Variants in ZSCAN2 observed in about 807,000 individuals in gnomAD.
The protein encoded by ZSCAN2 is zinc finger and SCAN domain containing 2, also known as zinc finger and SCAN domain-containing protein 2.
In ZSCAN2, 26 loss-of-function variants were observed where a neutral mutation model predicts 47.8. That is an observed-to-expected ratio of 0.54 (90% CI 0.40 to 0.75). The LOEUF (loss-of-function observed/expected upper bound fraction) is 0.75, where lower values mean the gene tolerates loss of function less well. Ranked by LOEUF, ZSCAN2 falls within the 30% of genes least tolerant of loss-of-function variation. The pLI is 0.00. For missense variants in ZSCAN2, 732 were observed against 785.4 expected, an observed-to-expected ratio of 0.93 and a Z score of 0.81; for synonymous variants, 305 against 288.7, an observed-to-expected ratio of 1.06 and a Z score of -0.57.
chr15:84,619,035 A>G (rs1360380105), intron 2 of ZSCAN2, among the ~76,000 whole-genome samples: 1 of 152,170 alleles, frequency 6.6e-6, no homozygotes, highest in Non-Finnish European at 1.5e-5. Context: ...CATCTAAGGA[A>G]GGGGCTATGT....
At chr15:84,610,619 T>C (rs528811563) in intron 2 of ZSCAN2, among the ~76,000 whole-genome samples, 34 of 151,638 alleles carry the variant, frequency 2.2e-4, no homozygotes, top group African/African-American at 6.3e-4. Flanking sequence ...CCCGAGTAGG[T>C]GGGACTACAG....
intron 2 of ZSCAN2, among the ~76,000 whole-genome samples, chr15:84,619,395 A>G (rs145305182): frequency 0.011 from 1,685 of 151,086 alleles, 39 homozygotes; most frequent in African/African-American, 0.039. Context: ...GCGCCATTGC[A>G]CTCCAGCCTG....
intron 2 of ZSCAN2, chr15:84,616,735 C>G (rs1394288509): frequency 5.1e-6 from 5 of 982,288 alleles, no homozygotes; most frequent in Non-Finnish European, 6.1e-6. Context: ...TGTTTTTGGT[C>G]ATGTTAGTTT....
At position 84,622,411 on chromosome 15, in the gene ZSCAN2, C is replaced by G; in HGVS notation, c.*371C>G. ...TGGCCCACAACGTGGGCCGAGTCCT[C>G]AGAGAAATACTGGAAATCATTGGTG... On this transcript the variant is annotated 3_prime_UTR_variant, in exon 3 of 3. Transcript: ENST00000546148. 1 of 591,952 alleles carries G rather than the reference C, an allele frequency of 1.7e-6. No homozygotes were observed. The highest frequency in any genetic ancestry group is 3.1e-6 in the Non-Finnish European group (1 of 327,504). 36.7% of individuals were successfully genotyped at this position (591,952 alleles called of 1,614,324 possible).
rs760244320 is a variant in ZSCAN2, at chr15:84,604,249, G to A, written c.322G>A (p.Ala108Thr). ...MLTMLPKEIQAWLQEHRPESS... is the reference protein window; with the variant it reads ...MLTMLPKEIQTWLQEHRPESS... Reference sequence around the variant, plus strand: ...AACCATGCTGCCAAAGGAAATTCAGGCTTGGCTGCAAGAGCATCGGCCTGA... The same window carrying A: ...AACCATGCTGCCAAAGGAAATTCAGACTTGGCTGCAAGAGCATCGGCCTGA... The change falls in exon 2 of 3, where the codon GCT becomes ACT. Residue 108 changes from alanine (A) to threonine (T), a missense_variant. Around this residue, in one of 2 missense-constraint regions of ZSCAN2, gnomAD observed 320 missense variants for 287.4 expected, o/e 1.11. Coordinates refer to ENST00000546148, the MANE Select transcript of ZSCAN2 (RefSeq NM_181877.4). 11 of 1,614,156 alleles carry A rather than the reference G, an allele frequency of 6.8e-6. No individual in the cohort carries two copies. In the East Asian group the frequency reaches 2.5e-4, roughly 36 times the overall value.
At chr15:84,617,027 CAGG>C (rs1895708467) in intron 2 of ZSCAN2, among the ~76,000 whole-genome samples, 1 of 152,030 alleles carries the variant, frequency 6.6e-6, no homozygotes, top group Non-Finnish European at 1.5e-5. Context: ...GAGGCTGAAG[CAGG>C]AGAATTGCTT....
intron 2 of ZSCAN2, among the ~76,000 whole-genome samples, chr15:84,618,608 C>T (rs970560561): frequency 3.3e-5 from 5 of 151,064 alleles, no homozygotes; most frequent in African/African-American, 1.2e-4. Flanking sequence ...GTTGCCCAGG[C>T]CGGAGTGCAG....
intron 2 of ZSCAN2, among the ~76,000 whole-genome samples, chr15:84,607,460 C>T (rs187317490): frequency 4.0e-4 from 61 of 152,000 alleles, no homozygotes; most frequent in Non-Finnish European, 7.4e-4. Flanking sequence ...TCTATCCCCA[C>T]TCCATTCAGA....
At chr15:84,612,550 C>T (rs917794970) in intron 2 of ZSCAN2, among the ~76,000 whole-genome samples, 11 of 152,070 alleles carry the variant, frequency 7.2e-5, no homozygotes, top group Admixed American at 5.9e-4. Flanking sequence ...CTGGCTAACA[C>T]GGTGAAACCC....
Position 84,621,159 on chromosome 15 carries a change from A to C in ZSCAN2, c.964A>C (p.Ile322Leu), listed in dbSNP as rs770722985. ...GAGCTTCAGCAGGAGTCCCAACCTC[A>C]TTGCACATCAGCGCACCCACACAGG... ...GKSFSRSPNL[I>L]AHQRTHTGEK... The change falls in exon 3 of 3, where the codon ATT (isoleucine) becomes CTT (leucine). Residue 322 changes from isoleucine to leucine, a missense_variant. This residue lies in a region of ZSCAN2 where 412 missense variants were observed against 498.0 expected (regional missense o/e 0.83). Transcript: ENST00000546148. The surrounding 1 kb of genome is among the most constrained non-coding windows in gnomAD (Gnocchi z 5.7). 3.2e-5 allele frequency: 51 copies of C among 1,613,912 alleles called. No individual in the cohort carries two copies. Among genetic ancestry groups the C allele is most frequent in the Non-Finnish European group, 4.2e-5 (50 of 1,180,008 alleles).
intron 2 of ZSCAN2, chr15:84,616,469 A>C: frequency 6.7e-7 from 1 of 1,493,566 alleles, no homozygotes; most frequent in Non-Finnish European, 8.9e-7. Context: ...CTCCCACCCC[A>C]GGGCTCTCCA....
At position 84,622,653 on chromosome 15, in the gene ZSCAN2, C is replaced by T. The variant is rs866190841; in HGVS notation, c.*613C>T. The stretch of plus-strand genomic sequence containing the variant: ...GACCCTTTCTATTTCCAGAAAGTGT[C>T]AGGAGCACAGAAACTTGAGGAAGTA... On this transcript the variant is annotated 3_prime_UTR_variant, in exon 3 of 3. Transcript: ENST00000546148. 54 of 717,324 alleles carry T rather than the reference C, an allele frequency of 7.5e-5. No individual in the cohort carries two copies. The African/African-American group carries it at 8.2e-4, about 11-fold the overall frequency. 44.4% of individuals were successfully genotyped at this position (717,324 alleles called of 1,614,324 possible).
intron 2 of ZSCAN2, among the ~76,000 whole-genome samples, chr15:84,617,161 C>T (rs1350610576): frequency 2.0e-5 from 3 of 149,826 alleles, no homozygotes; most frequent in Non-Finnish European, 4.4e-5. Context: ...CATGGCCAGG[C>T]GCAGTGGCTC....
rs924725525 is a variant in ZSCAN2 at position 84,603,952 on chromosome 15, G to C, written c.25G>C (p.Val9Leu). Residue 9 changes from valine to leucine, a missense_variant, in exon 2 of 3, where the codon GTG becomes CTG. Physicochemically the swap from Val to Leu is conservative, Grantham distance 32 (BLOSUM62 1). This residue lies in a region of ZSCAN2 where 320 missense variants were observed against 287.4 expected (regional missense o/e 1.11). Coordinates refer to ENST00000546148, the MANE Select transcript of ZSCAN2 (RefSeq NM_181877.4). MMAADIPRVTTPLSSLVQV... is the reference protein window; with the variant it reads MMAADIPRLTTPLSSLVQV... Reference sequence around the variant, plus strand: ...GATGATGGCTGCAGACATCCCGAGAGTGACCACTCCGCTGAGCTCCTTGGT... The same window carrying C: ...GATGATGGCTGCAGACATCCCGAGACTGACCACTCCGCTGAGCTCCTTGGT... The C allele has an allele frequency of 1.2e-6, 2 of 1,613,856 alleles. No individual in the cohort carries two copies. The highest frequency in any genetic ancestry group is 4.5e-5 in the East Asian group (2 of 44,874).
chr15:84,615,876 G>A (rs779077006), intron 2 of ZSCAN2, among the ~76,000 whole-genome samples: 3 of 151,804 alleles, frequency 2.0e-5, no homozygotes, highest in Non-Finnish European at 4.4e-5. Flanking sequence ...CTTCTCTGTG[G>A]TATTCCTTTA....
intron 2 of ZSCAN2, chr15:84,611,943 C>G (rs1024919378): frequency 9.2e-5 from 14 of 152,188 alleles, no homozygotes; most frequent in Non-Finnish European, 2.1e-4. Context: ...CCAGCTGCCA[C>G]CATCTCCTCT....
intron 2 of ZSCAN2, among the ~76,000 whole-genome samples, chr15:84,617,215 C>A (rs1404583370): frequency 6.6e-6 from 1 of 152,002 alleles, no homozygotes. Context: ...GCGGGCGGCT[C>A]ACTTGAGGTC....
At chr15:84,614,174 A>G (rs1895633911) in intron 2 of ZSCAN2, among the ~76,000 whole-genome samples, 1 of 148,176 alleles carries the variant, frequency 6.7e-6, no homozygotes, top group East Asian at 2.0e-4. Context: ...TTTTTTTTGT[A>G]GAGATGAGGT....
chr15:84,606,442 A>G (rs1895383906), intron 2 of ZSCAN2: 2 of 1,136,728 alleles, frequency 1.8e-6, no homozygotes, highest in East Asian at 4.7e-5. Flanking sequence ...GCTTGAAGCA[A>G]AGTGCTTGAT....
Sources: allele counts gnomAD v4.1 joint callset (sites outside exome capture counted in the v4.1 genomes callset), GRCh38; gene constraint gnomAD v4.1.1; regional missense constraint gnomAD v4.1.1; non-coding constraint Gnocchi (gnomAD v3.1); transcripts MANE v1.5; gene names NCBI Gene and HGNC (gene_info 2026-07-23, HGNC 2026-07-21).